SLC35F4: variants seen among roughly 807,000 people sequenced by gnomAD.
The protein encoded by SLC35F4 is chromosome 14 open reading frame 36.
A neutral mutation model predicts 44.2 loss-of-function variants in SLC35F4; 24 were observed. That is an observed-to-expected ratio of 0.54 (90% CI 0.39 to 0.76). The LOEUF is 0.76. SLC35F4 is among the 30% of genes least tolerant of loss of function. The pLI, the probability that SLC35F4 is intolerant of heterozygous loss-of-function variation, is 0.00. For missense variants in SLC35F4, 562 were observed against 586.1 expected, an observed-to-expected ratio of 0.96 and a Z score of 0.42; for synonymous variants, 238 against 223.6, an observed-to-expected ratio of 1.06 and a Z score of -0.57.
chr14:57,610,705 G>A (rs1419148972), intron 1 of SLC35F4, among the ~76,000 whole-genome samples: 2 of 152,122 alleles, frequency 1.3e-5, no homozygotes, highest in African/African-American at 2.4e-5. Context: ...GAAAACCTGG[G>A]GTGGAAGATC....
intron 4 of SLC35F4, among the ~76,000 whole-genome samples, chr14:57,576,951 C>G (rs555349778): frequency 6.6e-6 from 1 of 152,248 alleles, no homozygotes; most frequent in South Asian, 2.1e-4. Flanking sequence ...CACAACCCAG[C>G]TGTCTCCTCT....
At chr14:57,912,678 T>C (rs1372127854) in intron 1 of SLC35F4, among the ~76,000 whole-genome samples, 7 of 152,048 alleles carry the variant, frequency 4.6e-5, no homozygotes, top group African/African-American at 1.7e-4. Context: ...CTGTGCTTTA[T>C]GGCCCAGAAT....
intron 3 of SLC35F4, among the ~76,000 whole-genome samples, chr14:57,584,779 GACTTA>G (rs1450485868): frequency 5.9e-5 from 9 of 152,254 alleles, no homozygotes; most frequent in African/African-American, 2.2e-4. Context: ...ATCTTAAACT[GACTTA>G]ACTTGCTTTG....
chr14:57,883,902 T>C (rs1338199448), intron 1 of SLC35F4, among the ~76,000 whole-genome samples: 1 of 152,198 alleles, frequency 6.6e-6, no homozygotes, highest in African/African-American at 2.4e-5. Context: ...TTCTAACGTT[T>C]TGTACAGTAT....
intron 1 of SLC35F4, among the ~76,000 whole-genome samples, chr14:57,671,998 C>G (rs2074538042): frequency 6.6e-6 from 1 of 152,026 alleles, no homozygotes; most frequent in African/African-American, 2.4e-5. Context: ...AAACTTGATT[C>G]CTTACTTCTG....
chr14:57,570,258 A>G (rs2068431037), intron 5 of SLC35F4, among the ~76,000 whole-genome samples: 1 of 152,170 alleles, frequency 6.6e-6, no homozygotes, highest in Non-Finnish European at 1.5e-5. Flanking sequence ...AGTGATGGGT[A>G]TTGGGTGAAT....
At chr14:57,764,390 A>G (rs2140642802) in intron 1 of SLC35F4, among the ~76,000 whole-genome samples, 1 of 152,326 alleles carries the variant, frequency 6.6e-6, no homozygotes, top group Middle Eastern at 3.4e-3. Flanking sequence ...GCAAAGGCAA[A>G]TTAAAATTCT....
intron 1 of SLC35F4, among the ~76,000 whole-genome samples, chr14:57,731,437 TCCAGAC>T (rs1819895162): frequency 6.6e-6 from 1 of 152,240 alleles, no homozygotes; most frequent in Non-Finnish European, 1.5e-5. Context: ...GGGAGGGTCA[TCCAGAC>T]ACCTGCCCTT....
intron 3 of SLC35F4, among the ~76,000 whole-genome samples, chr14:57,585,791 CTCA>C (rs764452703): frequency 2.0e-5 from 3 of 152,008 alleles, no homozygotes; most frequent in Non-Finnish European, 4.4e-5. Flanking sequence ...TTTGAAGGAC[CTCA>C]TCAACAAACC....
chr14:57,623,034 C>G (rs1013095707), intron 1 of SLC35F4, among the ~76,000 whole-genome samples: 1 of 152,004 alleles, frequency 6.6e-6, no homozygotes, highest in African/African-American at 2.4e-5. Context: ...GATAAAGAGT[C>G]AAGACCCATC....
intron 1 of SLC35F4, among the ~76,000 whole-genome samples, chr14:57,840,911 A>G (rs1371558588): frequency 1.3e-5 from 2 of 152,206 alleles, no homozygotes; most frequent in African/African-American, 4.8e-5. Flanking sequence ...AGTGCACATC[A>G]ATTTATGCAC....
intron 1 of SLC35F4, among the ~76,000 whole-genome samples, chr14:57,756,749 G>C (rs1352230989): frequency 6.6e-6 from 1 of 152,004 alleles, no homozygotes; most frequent in Non-Finnish European, 1.5e-5. Context: ...TGACCTCCCA[G>C]GCTCAAGCAA....
chr14:57,725,164 C>G (rs2076171535), intron 1 of SLC35F4, among the ~76,000 whole-genome samples: 2 of 152,184 alleles, frequency 1.3e-5, no homozygotes, highest in Admixed American at 1.3e-4. Context: ...ACCTGTCAGC[C>G]TCTTTACCCA....
At chr14:57,778,495 C>A (rs924396005) in intron 1 of SLC35F4, among the ~76,000 whole-genome samples, 1 of 151,898 alleles carries the variant, frequency 6.6e-6, no homozygotes, top group Non-Finnish European at 1.5e-5. Context: ...TTCTTAGAGA[C>A]CTTCAAAGAG....
chr14:57,749,628 G>T (rs1449217946), intron 1 of SLC35F4, among the ~76,000 whole-genome samples: 1 of 152,126 alleles, frequency 6.6e-6, no homozygotes, highest in African/African-American at 2.4e-5. Context: ...TTTGTCCCTG[G>T]TACAGGGCAG....
chr14:57,580,984 T>C (rs2069210406), intron 4 of SLC35F4: 2 of 377,336 alleles, frequency 5.3e-6, no homozygotes, highest in South Asian at 2.1e-4. Context: ...CTGCCTGTTT[T>C]AGTGCCTCCT....
intron 1 of SLC35F4, among the ~76,000 whole-genome samples, chr14:57,732,384 T>A (rs927999555): frequency 6.6e-6 from 1 of 152,220 alleles, no homozygotes; most frequent in South Asian, 2.1e-4. Context: ...ATAATGTGTA[T>A]GCAAACTAGA....
At chr14:57,603,292 T>A (rs1408963024) in intron 1 of SLC35F4, among the ~76,000 whole-genome samples, 1 of 152,154 alleles carries the variant, frequency 6.6e-6, no homozygotes, top group Non-Finnish European at 1.5e-5. Context: ...GAACAAACAA[T>A]TTTTTTAAAA....
intron 1 of SLC35F4, among the ~76,000 whole-genome samples, chr14:57,881,611 CT>C (rs553822627): frequency 1.9e-3 from 293 of 152,212 alleles, no homozygotes; most frequent in African/African-American, 6.5e-3. Context: ...AATAGAGTGA[CT>C]GTTAAACAAA....
Sources: gnomAD v4.1 joint callset for allele counts (sites outside exome capture counted in the v4.1 genomes callset) on GRCh38, gnomAD v4.1.1 for gene constraint, MANE v1.5 for transcripts, NCBI Gene and HGNC (gene_info 2026-07-23, HGNC 2026-07-21) for gene names.